The following L3MBTL3 variants were observed in gnomAD, a reference collection of about 807,000 sequenced individuals.
L3MBTL3 encodes the protein lethal(3)malignant brain tumor-like protein 3.
L3MBTL3 carries 27 observed loss-of-function variants against 102.3 expected under a neutral mutation model. The ratio of observed to expected loss-of-function variants is 0.26; its 90% CI spans 0.19 to 0.36. The LOEUF is 0.36. Among genes scored for constraint, L3MBTL3 ranks in the 10% least tolerant of loss-of-function variants. The pLI is 1.00. For missense variants in L3MBTL3, 798 were observed against 955.3 expected, an observed-to-expected ratio of 0.84 and a Z score of 2.17; for synonymous variants, 340 against 320.9, an observed-to-expected ratio of 1.06 and a Z score of -0.64.
rs554349242 is a variant in L3MBTL3, at chr6:130,111,514, A to G, written c.1886+6939A>G. 5.9e-5 allele frequency among the ~76,000 whole-genome samples: 9 copies of G among 152,292 alleles called. No individual in the cohort carries two copies. In the East Asian group the frequency reaches 1.5e-3, roughly 26 times the overall value. ...AAGCTGTGGGCTGTGGCATCAACCCAATGCCTATTCCAGATGCCAGGCAGT... is the reference window on the plus strand; with the variant it reads ...AAGCTGTGGGCTGTGGCATCAACCCGATGCCTATTCCAGATGCCAGGCAGT... On this transcript the variant is annotated intron_variant, in intron 19 of 22. Coordinates refer to ENST00000361794, the MANE Select transcript of L3MBTL3 (RefSeq NM_032438.4).
At chr6:130,121,505 G>A (rs552283123) in intron 20 of L3MBTL3, among the ~76,000 whole-genome samples, 1 of 152,152 alleles carries the variant, frequency 6.6e-6, no homozygotes, top group Non-Finnish European at 1.5e-5. Flanking sequence ...AATATAGTAT[G>A]TAATTTTTTA....
At chr6:130,040,839 T>C (rs1190598630) in intron 2 of L3MBTL3, among the ~76,000 whole-genome samples, 1 of 152,230 alleles carries the variant, frequency 6.6e-6, no homozygotes, top group East Asian at 1.9e-4. Context: ...AAAAGATGTA[T>C]ATTCAGATAT....
chr6:130,045,926 T>C (rs1780696472), intron 3 of L3MBTL3, among the ~76,000 whole-genome samples: 1 of 152,210 alleles, frequency 6.6e-6, no homozygotes, highest in Non-Finnish European at 1.5e-5. Flanking sequence ...AAAACACTTT[T>C]GCCTAAGCAA....
chr6:130,021,370 T>G (rs950283423), intron 1 of L3MBTL3, among the ~76,000 whole-genome samples: 16 of 152,198 alleles, frequency 1.1e-4, no homozygotes, highest in African/African-American at 3.6e-4. Context: ...GATCAGAAAT[T>G]GAAAGTTTAG....
At position 130,139,723 on chromosome 6, in the gene L3MBTL3, T is replaced by G. The variant is rs769890170; in HGVS notation, c.2313T>G (p.Ala771=). 2 of 1,613,370 alleles carry G rather than the reference T, an allele frequency of 1.2e-6. No individual in the cohort carries two copies. The highest frequency in any genetic ancestry group is 1.7e-6 in the Non-Finnish European group (2 of 1,179,650). The change falls in exon 23 of 23, where the codon GCT becomes GCG. Residue 771 remains alanine, a synonymous_variant. Coordinates refer to ENST00000361794, the MANE Select transcript of L3MBTL3 (RefSeq NM_032438.4). ...KIFNSILMFK[A]AEKNSHNEL Reference sequence around the variant, plus strand: ...TCAATTCCATCCTGATGTTCAAAGCTGCAGAGAAGAATTCTCACAATGAAC... The same window carrying G: ...TCAATTCCATCCTGATGTTCAAAGCGGCAGAGAAGAATTCTCACAATGAAC...
chr6:130,070,569 G>A (rs976073723), intron 12 of L3MBTL3, among the ~76,000 whole-genome samples: 9 of 152,082 alleles, frequency 5.9e-5, no homozygotes, highest in Admixed American at 5.9e-4. Flanking sequence ...TTGATTAAGT[G>A]CATATTTTGT....
intron 19 of L3MBTL3, among the ~76,000 whole-genome samples, chr6:130,105,450 C>A (rs981227476): frequency 2.6e-5 from 4 of 151,784 alleles, no homozygotes; most frequent in African/African-American, 9.7e-5. Context: ...TTTTTTAAAT[C>A]CTTAAAACCA....
intron 2 of L3MBTL3, among the ~76,000 whole-genome samples, chr6:130,040,262 G>A (rs959161940): frequency 1.6e-4 from 24 of 151,544 alleles, no homozygotes; most frequent in Middle Eastern, 6.8e-3. Context: ...CCGGGAGGCG[G>A]AGGTTGCAGT....
chr6:130,133,499 G>C lies in L3MBTL3; in HGVS notation c.2014G>C (p.Val672Leu). Reference protein sequence around the residue: ...TVQQAQRRSAVFLSFKSPIPC... With the variant: ...TVQQAQRRSALFLSFKSPIPC... ...CCAGCAGGCACAGCGTCGGTCAGCTGTCTTTCTGTCCTTTAAGTCCCCAAT... is the reference window on the plus strand; with the variant it reads ...CCAGCAGGCACAGCGTCGGTCAGCTCTCTTTCTGTCCTTTAAGTCCCCAAT... Residue 672 changes from valine to leucine, a missense_variant, in exon 21 of 23, where the codon GTC (valine) becomes CTC (leucine). Val to Leu is a conservative substitution (Grantham distance 32, BLOSUM62 1). Coordinates refer to ENST00000361794, the MANE Select transcript of L3MBTL3 (RefSeq NM_032438.4). This position sits in a 1 kb window ranked among gnomAD's most constrained non-coding sequence, Gnocchi z 4.9. 6.2e-7 allele frequency: 1 copy of C among 1,614,142 alleles called. No homozygotes were observed. Among genetic ancestry groups the C allele is most frequent in the Non-Finnish European group, 8.5e-7 (1 of 1,180,004 alleles).
chr6:130,046,581 T>A (rs1240069498), intron 3 of L3MBTL3, among the ~76,000 whole-genome samples: 1 of 152,224 alleles, frequency 6.6e-6, no homozygotes, highest in East Asian at 1.9e-4. Context: ...GGCATAATTT[T>A]TTTCTGATTG....
At chr6:130,066,588 G>C (rs1309435057) in intron 11 of L3MBTL3, 100 bp downstream of exon 11, 8 of 1,036,796 alleles carry the variant, frequency 7.7e-6, no homozygotes, top group Middle Eastern at 2.2e-4. Context: ...TGAAAATTCA[G>C]ATAGGCACAA....
In L3MBTL3 at chr6:130,060,120, T is replaced by C. The variant is rs753716906; in HGVS notation, c.844T>C (p.Cys282Arg). 1.9e-6 allele frequency: 3 copies of C among 1,606,004 alleles called. No individual in the cohort carries two copies. Among genetic ancestry groups the C allele is most frequent in the Non-Finnish European group, 1.7e-6 (2 of 1,174,938 alleles). ...GVDPEHQSVY[C>R]VLTVAEVCGY... ...GGATCCTGAGCATCAGTCTGTGTAC[T>C]GTGTCCTCACCGTCGCGGAGGTAAG... The change falls in exon 10 of 23, where the codon TGT becomes CGT. Residue 282 changes from cysteine (C) to arginine (R), a missense_variant. Physicochemically the swap from Cys to Arg is radical, Grantham distance 180. Coordinates refer to ENST00000361794, the MANE Select transcript of L3MBTL3 (RefSeq NM_032438.4).
chr6:130,038,699 T>C (rs1020485958), intron 2 of L3MBTL3, among the ~76,000 whole-genome samples: 4 of 152,162 alleles, frequency 2.6e-5, no homozygotes, highest in Non-Finnish European at 2.9e-5. Context: ...TTTGGAAATA[T>C]CTTTTCCCAC....
At chr6:130,046,289 C>T (rs1367925005) in intron 3 of L3MBTL3, among the ~76,000 whole-genome samples, 1 of 152,172 alleles carries the variant, frequency 6.6e-6, no homozygotes, top group Non-Finnish European at 1.5e-5. Context: ...ATTCACCGCA[C>T]TCTTAATACA....
intron 15 of L3MBTL3, 137 bp downstream of exon 15, chr6:130,083,842 T>G (rs1783512880): frequency 4.7e-6 from 2 of 430,012 alleles, no homozygotes; most frequent in African/African-American, 4.2e-5. Context: ...GTTTTTGAAT[T>G]TTTACAATTT....
At chr6:130,089,654 A>G (rs576346385) in intron 16 of L3MBTL3, among the ~76,000 whole-genome samples, 2 of 152,122 alleles carry the variant, frequency 1.3e-5, no homozygotes, top group Non-Finnish European at 2.9e-5. Context: ...TGTCTTCCAC[A>G]ATGGTTGAAC....
chr6:130,068,243 G>T, intron 11 of L3MBTL3, 87 bp from the exon 12 acceptor site: 1 of 651,808 alleles, frequency 1.5e-6, no homozygotes, highest in Middle Eastern at 3.2e-4. Flanking sequence ...ATTGATTTTG[G>T]CATGTTAGAG....
chr6:130,038,616 A>G (rs1379249089), intron 2 of L3MBTL3, among the ~76,000 whole-genome samples: 2 of 150,934 alleles, frequency 1.3e-5, no homozygotes, highest in Admixed American at 1.3e-4. Flanking sequence ...AAATCAGATT[A>G]TTTGCTTTTT....
intron 12 of L3MBTL3, among the ~76,000 whole-genome samples, chr6:130,069,838 T>C (rs1782511587): frequency 6.6e-6 from 1 of 152,340 alleles, no homozygotes; most frequent in Middle Eastern, 3.4e-3. Context: ...TTTCCATTTC[T>C]AGATTACCTC....
Sources: gnomAD v4.1 joint callset for allele counts (sites outside exome capture counted in the v4.1 genomes callset) on GRCh38, gnomAD v4.1.1 for gene constraint, Gnocchi (gnomAD v3.1) non-coding constraint, MANE v1.5 for transcripts, NCBI Gene and HGNC (gene_info 2026-07-23, HGNC 2026-07-21) for gene names.